The following THSD7B variants were observed in gnomAD, a reference collection of about 807,000 sequenced individuals.
THSD7B encodes thrombospondin type-1 domain-containing protein 7B.
THSD7B carries 138 observed loss-of-function variants against 213.6 expected under a neutral mutation model. The observed-to-expected ratio is 0.65, with a 90% CI of 0.56 to 0.74. THSD7B has a LOEUF of 0.74. THSD7B is among the 30% of genes least tolerant of loss of function. The pLI is 0.00. For missense variants in THSD7B, 1,931 were observed against 1,991.5 expected (o/e 0.97, Z 0.58); for synonymous variants, 742 against 687.0 (o/e 1.08, Z -1.25).
chr2:136,961,358 C>T (rs150720690), intron 2 of THSD7B, among the ~76,000 whole-genome samples: 118 of 151,258 alleles, frequency 7.8e-4, no homozygotes, highest in African/African-American at 2.6e-3. Flanking sequence ...GTAGCTGGGA[C>T]TACAGGCACA....
chr2:137,645,030 G>A (rs1683004713), intron 21 of THSD7B, among the ~76,000 whole-genome samples: 1 of 152,082 alleles, frequency 6.6e-6, no homozygotes, highest in African/African-American at 2.4e-5. Flanking sequence ...TCAGATTCTG[G>A]AGTCTAGCAG....
intron 2 of THSD7B, among the ~76,000 whole-genome samples, chr2:136,981,316 T>C (rs1029128353): frequency 1.3e-5 from 2 of 152,136 alleles, no homozygotes; most frequent in Non-Finnish European, 2.9e-5. Context: ...GCTGAGATGA[T>C]TAAAGAGAGC....
intron 2 of THSD7B, among the ~76,000 whole-genome samples, chr2:136,933,205 T>C (rs928189304): frequency 6.0e-5 from 9 of 151,208 alleles, no homozygotes; most frequent in Admixed American, 3.3e-4. Context: ...CTGTAATACA[T>C]TTTCAAGTTG....
chr2:137,063,033 T>C (rs2104883186), intron 3 of THSD7B, among the ~76,000 whole-genome samples: 1 of 151,938 alleles, frequency 6.6e-6, no homozygotes, highest in South Asian at 2.1e-4. Context: ...AGAAATAATC[T>C]CTTTATTATT....
chr2:137,425,631 AC>A (rs1687037937), intron 14 of THSD7B, among the ~76,000 whole-genome samples: 1 of 152,188 alleles, frequency 6.6e-6, no homozygotes, highest in African/African-American at 2.4e-5. Context: ...GGATGATGGA[AC>A]CAATCCCCTG....
chr2:137,072,428 G>T (rs889385375), intron 3 of THSD7B, among the ~76,000 whole-genome samples: 2 of 152,008 alleles, frequency 1.3e-5, no homozygotes, highest in Non-Finnish European at 2.9e-5. Flanking sequence ...GTATAAGAAT[G>T]CTTGTGATTT....
At chr2:137,243,990 C>T (rs917358032) in intron 10 of THSD7B, among the ~76,000 whole-genome samples, 2 of 152,136 alleles carry the variant, frequency 1.3e-5, no homozygotes, top group African/African-American at 2.4e-5. Flanking sequence ...AGAAACTCTC[C>T]AAAACTTGTT....
At chr2:137,527,575 A>G (rs1302362716) in intron 15 of THSD7B, among the ~76,000 whole-genome samples, 1 of 151,906 alleles carries the variant, frequency 6.6e-6, no homozygotes, top group East Asian at 1.9e-4. Flanking sequence ...ATTAAATTTT[A>G]TTTTGAAGAA....
chr2:137,350,664 G>A (rs2104920433), intron 12 of THSD7B, among the ~76,000 whole-genome samples: 1 of 151,628 alleles, frequency 6.6e-6, no homozygotes, highest in East Asian at 2.0e-4. Context: ...AGGTGGGGAG[G>A]GTTGGGGAGA....
intron 7 of THSD7B, among the ~76,000 whole-genome samples, chr2:137,214,868 A>G (rs1681201614): frequency 6.6e-6 from 1 of 152,096 alleles, no homozygotes; most frequent in Non-Finnish European, 1.5e-5. Flanking sequence ...AGTCTTTGCT[A>G]TTGTGAATAG....
intron 12 of THSD7B, among the ~76,000 whole-genome samples, chr2:137,286,132 A>T (rs1307413211): frequency 6.6e-6 from 1 of 151,960 alleles, no homozygotes; most frequent in Non-Finnish European, 1.5e-5. Flanking sequence ...TCATTTTCCA[A>T]CGTTATATAT....
At chr2:137,575,511 C>T (rs1681439896) in intron 17 of THSD7B, among the ~76,000 whole-genome samples, 1 of 151,892 alleles carries the variant, frequency 6.6e-6, no homozygotes, top group Non-Finnish European at 1.5e-5. Context: ...GGATTACTGA[C>T]CTGACAGTAA....
intron 15 of THSD7B, among the ~76,000 whole-genome samples, chr2:137,482,145 A>G (rs2105106892): frequency 6.6e-6 from 1 of 150,720 alleles, no homozygotes. Flanking sequence ...TTGCCACTGC[A>G]TTCCAGCCTG....
chr2:137,247,653 A>G (rs1353798342), intron 10 of THSD7B, among the ~76,000 whole-genome samples: 1 of 152,140 alleles, frequency 6.6e-6, no homozygotes, highest in East Asian at 1.9e-4. Context: ...TGTCATGGTA[A>G]CAGGAAGGCC....
chr2:136,887,381 A>G (rs1278719456), intron 2 of THSD7B, among the ~76,000 whole-genome samples: 2 of 151,706 alleles, frequency 1.3e-5, no homozygotes, highest in African/African-American at 4.8e-5. Flanking sequence ...CTCTTGATAT[A>G]GTTTGGATGT....
At chr2:136,854,659 C>T (rs778202) in intron 1 of THSD7B, among the ~76,000 whole-genome samples, 113,936 of 150,602 alleles carry the variant, frequency 0.76, 43,343 homozygotes, top group Middle Eastern at 0.85. Context: ...AAGTTGGGAA[C>T]GGAAAGTGTG....
chr2:137,559,676 A>G (rs1372975276), intron 15 of THSD7B, among the ~76,000 whole-genome samples: 4 of 152,224 alleles, frequency 2.6e-5, no homozygotes, highest in Non-Finnish European at 5.9e-5. Context: ...TGTCTAAAAT[A>G]CCAAAAGCAA....
intron 12 of THSD7B, among the ~76,000 whole-genome samples, chr2:137,282,090 G>T (rs542530507): frequency 1.1e-4 from 16 of 150,010 alleles, no homozygotes; most frequent in African/African-American, 3.7e-4. Context: ...TTTAATGATC[G>T]CCATTCTAAC....
At chr2:137,051,221 C>T (rs1177778936) in intron 2 of THSD7B, among the ~76,000 whole-genome samples, 2 of 152,192 alleles carry the variant, frequency 1.3e-5, no homozygotes, top group Non-Finnish European at 2.9e-5. Flanking sequence ...ATTGGTGTTA[C>T]ACTTAGTGCA....
Sources: gnomAD v4.1 joint callset for allele counts (sites outside exome capture counted in the v4.1 genomes callset) on GRCh38, gnomAD v4.1.1 for gene constraint, MANE v1.5 for transcripts, NCBI Gene and HGNC (gene_info 2026-07-23, HGNC 2026-07-21) for gene names.